Variants in CLDN2 observed in about 807,000 individuals in gnomAD.
CLDN2 encodes claudin-2.
A neutral mutation model predicts 8.2 loss-of-function variants in CLDN2; 1 was observed. The ratio of observed to expected loss-of-function variants is 0.12; its 90% CI spans 0.04 to 0.58. The LOEUF is 0.58. CLDN2 is among the 20% of genes least tolerant of loss of function. The pLI is 0.90. For synonymous variants in CLDN2, 70 were observed against 70.2 expected (o/e 1.00, Z 0.01); for missense variants, 108 against 172.9 (o/e 0.62, Z 2.11).
Position 106,928,134 on chromosome X carries a change from TC to T in CLDN2, c.-94del. On this transcript the variant is annotated 5_prime_UTR_variant, in exon 2 of 2. An upstream open reading frame in the 5' UTR loses its in-frame stop. Transcript: ENST00000336803. ...AGAGAAGTCAGCCTGGCAGAGAGAC[TC>T]TGAAATGAGGGATTAGAGGTGTTCA... 1 of 655,613 alleles carries T rather than the reference TC, an allele frequency of 1.5e-6. No homozygotes were observed. Among genetic ancestry groups the T allele is most frequent in the Non-Finnish European group, 2.3e-6 (1 of 432,306 alleles). 54.0% of individuals were successfully genotyped at this position (655,613 alleles called of 1,213,427 possible).
intron 1 of CLDN2, among the ~76,000 whole-genome samples, chrX:106,927,236 C>CAAAA (rs1843560174): frequency 1.8e-5 from 2 of 111,132 alleles, no homozygotes; most frequent in South Asian, 7.9e-4. Flanking sequence ...AGCATTGACT[C>CAAAA]AGATACCTGC....
upstream of CLDN2, among the ~76,000 whole-genome samples, chrX:106,919,376 T>C (rs1332056264): frequency 8.9e-6 from 1 of 112,185 alleles, no homozygotes; most frequent in Non-Finnish European, 1.9e-5. Flanking sequence ...AAAGCTTTTT[T>C]GCGTTGGGAG....
chrX:106,921,044 T>C (rs1933384929), intron 1 of CLDN2, among the ~76,000 whole-genome samples: 1 of 111,980 alleles, frequency 8.9e-6, no homozygotes, highest in African/African-American at 3.2e-5. Context: ...TGCAAGTCTG[T>C]CATTAGAAAT....
At chrX:106,915,223 A>T (rs372039603), upstream of CLDN2, among the ~76,000 whole-genome samples, 45 of 112,396 alleles carry the variant, frequency 4.0e-4, no homozygotes, top group East Asian at 0.011. Flanking sequence ...GTAGTATTCC[A>T]TTACACAGAT....
intron 1 of CLDN2, among the ~76,000 whole-genome samples, chrX:106,907,802 T>A (rs1452796594): frequency 1.5e-4 from 17 of 110,861 alleles, no homozygotes; most frequent in Non-Finnish European, 3.2e-4. Context: ...GGTAGTAAAA[T>A]GTTCTTTGAA....
chrX:106,920,347 C>G (rs1295019396), upstream of CLDN2: 1 of 107,517 alleles, frequency 9.3e-6, no homozygotes, highest in Non-Finnish European at 1.9e-5. Context: ...TCTTTCCCAG[C>G]CTCCAGGGGT....
intron 1 of CLDN2, among the ~76,000 whole-genome samples, chrX:106,925,083 A>G (rs938523043): frequency 9.0e-6 from 1 of 111,625 alleles, no homozygotes; most frequent in Admixed American, 9.6e-5. Context: ...GGGTTTAAAC[A>G]GGAAATTGCA....
chrX:106,925,782 G>C (rs1441405511), intron 1 of CLDN2, among the ~76,000 whole-genome samples: 1 of 112,269 alleles, frequency 8.9e-6, no homozygotes, highest in African/African-American at 3.2e-5. Context: ...TGAGGTGGGC[G>C]GATCACTTGC....
At chrX:106,915,362 T>C (rs185599743), upstream of CLDN2, among the ~76,000 whole-genome samples, 13 of 112,190 alleles carry the variant, frequency 1.2e-4, no homozygotes, top group Non-Finnish European at 2.4e-4. Flanking sequence ...CTCTCCTCAA[T>C]TGGGATTTTT....
At chrX:106,902,569 G>A (rs1480409222) in intron 1 of CLDN2, among the ~76,000 whole-genome samples, 1 of 111,547 alleles carries the variant, frequency 9.0e-6, no homozygotes, top group Non-Finnish European at 1.9e-5. Flanking sequence ...ATGAGTGGGG[G>A]CTAGATGGAA....
chrX:106,929,090 T>C lies in CLDN2; in HGVS notation c.*169T>C. On this transcript the variant is annotated 3_prime_UTR_variant, in exon 2 of 2. Transcript: ENST00000336803. Reference sequence around the variant, plus strand: ...GCAAAGGCAGAAATGGGGGCTAGTGTAACAGCATGCAGGTTGAATTGCCAA... The same window carrying C: ...GCAAAGGCAGAAATGGGGGCTAGTGCAACAGCATGCAGGTTGAATTGCCAA... The C allele has an allele frequency of 2.2e-6, 1 of 457,884 alleles. No individual in the cohort carries two copies. Among genetic ancestry groups the C allele is most frequent in the South Asian group, 3.8e-5 (1 of 26,123 alleles). The allele number at this position is 457,884 out of a possible 1,213,427, so 37.7% of individuals were successfully genotyped here. A position where few individuals can be genotyped will look rare whatever the true frequency, so the allele number is the denominator to read the frequency against.
chrX:106,906,664 C>G (rs1933183047), intron 1 of CLDN2, among the ~76,000 whole-genome samples: 3 of 111,538 alleles, frequency 2.7e-5, no homozygotes, highest in Middle Eastern at 4.6e-3. Context: ...CTCCAGCCCT[C>G]TCTTCTCAGG....
At chrX:106,905,303 A>AC (rs1933164623) in intron 1 of CLDN2, among the ~76,000 whole-genome samples, 1 of 111,404 alleles carries the variant, frequency 9.0e-6, no homozygotes, top group Non-Finnish European at 1.9e-5. Flanking sequence ...CCCTCAATAA[A>AC]CAGAGGTTTA....
At chrX:106,908,388 G>T (rs1406599221) in intron 1 of CLDN2, among the ~76,000 whole-genome samples, 2 of 110,835 alleles carry the variant, frequency 1.8e-5, no homozygotes, top group Non-Finnish European at 3.8e-5. Context: ...AGCTCAGCCT[G>T]CTCTCCGGTC....
intron 1 of CLDN2, among the ~76,000 whole-genome samples, chrX:106,913,108 T>A (rs1344256033): frequency 9.0e-6 from 1 of 111,089 alleles, no homozygotes; most frequent in Non-Finnish European, 1.9e-5. Flanking sequence ...TGATTTTTTT[T>A]TTTTGAGACA....
At chrX:106,902,171 G>A (rs1299357756) in intron 1 of CLDN2, 1 of 1,194,389 alleles carries the variant, frequency 8.4e-7, no homozygotes, top group Non-Finnish European at 1.1e-6. Context: ...CTGCCTTGGG[G>A]AGTCATTTGT....
chrX:106,928,968 G>A lies in CLDN2; in HGVS notation c.*47G>A. 9.3e-7 allele frequency: 1 copy of A among 1,077,516 alleles called. No homozygotes were observed. Among genetic ancestry groups the A allele is most frequent in the Non-Finnish European group, 1.3e-6 (1 of 782,847 alleles). The allele number at this position is 1,077,516 out of a possible 1,213,427, so 88.8% of individuals were successfully genotyped here. A position where few individuals can be genotyped will look rare whatever the true frequency, so the allele number is the denominator to read the frequency against. On this transcript the variant is annotated 3_prime_UTR_variant, in exon 2 of 2. Coordinates refer to ENST00000336803, the MANE Select transcript of CLDN2 (RefSeq NM_020384.4). ...GGGGTGGCTGGGTCTGTGAAAAACAGTGGACAGCACCCCGAGGGCCACAGG... is the reference window on the plus strand; with the variant it reads ...GGGGTGGCTGGGTCTGTGAAAAACAATGGACAGCACCCCGAGGGCCACAGG...
intron 1 of CLDN2, among the ~76,000 whole-genome samples, chrX:106,903,507 A>G (rs1933138759): frequency 1.8e-5 from 2 of 111,892 alleles, no homozygotes; most frequent in Non-Finnish European, 3.8e-5. Flanking sequence ...AGTTGAATAA[A>G]CATGGTGTCA....
chrX:106,906,901 GCTCTTTCTCTCTTGAT>G (rs1269401679), intron 1 of CLDN2, among the ~76,000 whole-genome samples: 2 of 111,592 alleles, frequency 1.8e-5, no homozygotes, highest in African/African-American at 6.5e-5. Flanking sequence ...CCCCTAACTT[GCTCTTTCTCTCTTGAT>G]CTCTTTCTCT....
Sources: gnomAD v4.1 joint callset for allele counts (sites outside exome capture counted in the v4.1 genomes callset) on GRCh38, gnomAD v4.1.1 for gene constraint, MANE v1.5 for transcripts, NCBI Gene and HGNC (gene_info 2026-07-23, HGNC 2026-07-21) for gene names.